MORN4: variants seen among roughly 807,000 people sequenced by gnomAD.
MORN4 encodes MORN repeat containing 4.
In MORN4, 8 loss-of-function variants were observed where a neutral mutation model predicts 16.4. That is an observed-to-expected ratio of 0.49 (90% CI 0.29 to 0.88). The LOEUF (loss-of-function observed/expected upper bound fraction) is 0.88, where lower values mean the gene tolerates loss of function less well. MORN4 is among the 40% of genes least tolerant of loss of function. MORN4 has a pLI of 0.09. For missense variants in MORN4, 159 were observed against 182.9 expected, an observed-to-expected ratio of 0.87 and a Z score of 0.75; for synonymous variants, 53 against 68.9, an observed-to-expected ratio of 0.77 and a Z score of 1.14.
Position 97,617,094 on chromosome 10 carries a change from G to A in MORN4, c.182+114C>T, listed in dbSNP as rs562040777. ...TAAAAGAACTACTTATTACTCATCT[G>A]TGTTCTGCAGGGAGTGAGACAAGGT... On this transcript the variant is annotated intron_variant, in intron 3 of 4. Transcript: ENST00000307450. The A allele has an allele frequency of 1.4e-4, 119 of 829,540 alleles. No homozygotes were observed. The African/African-American group carries it at 1.7e-3, about 12-fold the overall frequency. 51.4% of individuals were successfully genotyped at this position (829,540 alleles called of 1,614,324 possible).
rs1203762464 is a variant in MORN4 at position 97,633,064 on chromosome 10, G to T, written c.-31+283C>A. ...TCCTGCTATCCGGGCCCGCTCTCCC[G>T]CCCGGCAGGGTCTAACGCTCACACA... is the stretch of plus-strand genomic sequence containing the variant. On this transcript the variant is annotated intron_variant, in intron 1 of 4. Coordinates refer to ENST00000307450, the MANE Select transcript of MORN4 (RefSeq NM_178832.4). The surrounding 1 kb of genome is among the most constrained non-coding windows in gnomAD (Gnocchi z 4.5). Among the ~76,000 whole-genome samples the T allele has an allele frequency of 2.0e-5, 3 of 152,028 alleles. No individual in the cohort carries two copies. Among genetic ancestry groups the T allele is most frequent in the Non-Finnish European group, 2.9e-5 (2 of 68,002 alleles).
At chr10:97,633,699 G>A (rs2041418244), upstream of MORN4, 2 of 1,193,938 alleles carry the variant, frequency 1.7e-6, no homozygotes, top group Non-Finnish European at 2.1e-6. The surrounding 1 kb of genome is among the most constrained non-coding windows in gnomAD (Gnocchi z 4.5). Context: ...CTACCCAGAG[G>A]CCGTCTAGTT....
intron 1 of MORN4, among the ~76,000 whole-genome samples, chr10:97,629,039 C>T (rs780943537): frequency 4.9e-4 from 74 of 152,144 alleles, no homozygotes; most frequent in Non-Finnish European, 1.2e-4. Flanking sequence ...ATCTACCTCC[C>T]CTCCCTTGAA....
intron 1 of MORN4, among the ~76,000 whole-genome samples, chr10:97,626,457 C>CT (rs531941467): frequency 3.5e-4 from 50 of 142,388 alleles, no homozygotes; most frequent in East Asian, 6.2e-4. Flanking sequence ...TGTTCTCTCT[C>CT]TTTTTTTTTT....
At chr10:97,628,754 A>G (rs2041370618) in intron 1 of MORN4, among the ~76,000 whole-genome samples, 1 of 151,996 alleles carries the variant, frequency 6.6e-6, no homozygotes, top group Non-Finnish European at 1.5e-5. Context: ...CTGGTCTCAA[A>G]CTTCTGGCCT....
intron 1 of MORN4, among the ~76,000 whole-genome samples, chr10:97,623,971 C>T (rs1042003787): frequency 2.5e-4 from 38 of 152,062 alleles, no homozygotes; most frequent in Admixed American, 6.6e-4. Context: ...CTCCTGACCT[C>T]GTGATCCGCC....
At chr10:97,621,909 C>A (rs2041300275) in intron 1 of MORN4, among the ~76,000 whole-genome samples, 1 of 152,078 alleles carries the variant, frequency 6.6e-6, no homozygotes, top group Non-Finnish European at 1.5e-5. Flanking sequence ...ACCTGCTGGA[C>A]CTGGGTTGGC....
Position 97,633,271 on chromosome 10 carries a change from C to T in MORN4, c.-31+76G>A, listed in dbSNP as rs77989655. On this transcript the variant is annotated intron_variant, in intron 1 of 4. Transcript: ENST00000307450. This position sits in a 1 kb window ranked among gnomAD's most constrained non-coding sequence, Gnocchi z 4.5. ...GCCGCGCCCCCGAGCCGGGTCATCT[C>T]GTGCTCCGTTCCTCAGTGCCCACCT... 3 of 1,259,740 alleles carry T rather than the reference C, an allele frequency of 2.4e-6. No individual in the cohort carries two copies. Among genetic ancestry groups the T allele is most frequent in the Non-Finnish European group, 3.1e-6 (3 of 971,918 alleles). 78.0% of individuals were successfully genotyped at this position (1,259,740 alleles called of 1,614,324 possible).
rs776639939 is a variant in MORN4, at chr10:97,616,723, T to C, written c.247A>G (p.Met83Val). The C allele has an allele frequency of 5.6e-6, 9 of 1,614,098 alleles. No homozygotes were observed. Among genetic ancestry groups the C allele is most frequent in the Non-Finnish European group, 7.6e-6 (9 of 1,179,994 alleles). ...GVGVFIRYDN[M>V]TFEGEFKNGR... Reference sequence around the variant, plus strand: ...TTTTTAAATTCCCCCTCAAAGGTCATGTTGTCATATCGAATGAAGACTCCG... The same window carrying C: ...TTTTTAAATTCCCCCTCAAAGGTCACGTTGTCATATCGAATGAAGACTCCG... The change falls in exon 4 of 5, where the codon ATG becomes GTG. Residue 83 changes from methionine (M) to valine (V), a missense_variant. Coordinates refer to ENST00000307450, the MANE Select transcript of MORN4 (RefSeq NM_178832.4).
rs574782078 is a variant in MORN4, at chr10:97,615,266, C to T, written c.*997G>A. 4 of 152,582 alleles carry T rather than the reference C, an allele frequency of 2.6e-5. No individual in the cohort carries two copies. The highest frequency in any genetic ancestry group is 9.6e-5 in the African/African-American group (4 of 41,528). 9.5% of individuals were successfully genotyped at this position (152,582 alleles called of 1,614,324 possible). A position where few individuals can be genotyped will look rare whatever the true frequency, so the allele number is the denominator to read the frequency against. On this transcript the variant is annotated 3_prime_UTR_variant, in exon 5 of 5. Coordinates refer to ENST00000307450, the MANE Select transcript of MORN4 (RefSeq NM_178832.4). ...GGAAGCCTGCAGCCATGATTCCAAC[C>T]AGCATGAGGAGTAACATATGGAAAA...
At chr10:97,631,926 C>A (rs192089104) in intron 1 of MORN4, among the ~76,000 whole-genome samples, 1 of 150,852 alleles carries the variant, frequency 6.6e-6, no homozygotes, top group Admixed American at 6.6e-5. Flanking sequence ...GGCAACAGAG[C>A]CAGACCTTGT....
intron 1 of MORN4, among the ~76,000 whole-genome samples, chr10:97,632,703 A>ATTT (rs552637866): frequency 0.14 from 19,860 of 143,258 alleles, 1,644 homozygotes; most frequent in South Asian, 0.25. Flanking sequence ...CGCCAAAAAG[A>ATTT]TTTTTTTTTT....
At chr10:97,629,487 TA>T (rs1033152656) in intron 1 of MORN4, among the ~76,000 whole-genome samples, 12 of 152,168 alleles carry the variant, frequency 7.9e-5, no homozygotes, top group Non-Finnish European at 1.5e-4. Context: ...AGCCACCACA[TA>T]AAAAGCCTGA....
upstream of MORN4, chr10:97,633,504 T>C: frequency 1.6e-6 from 2 of 1,289,818 alleles, no homozygotes; most frequent in Non-Finnish European, 2.0e-6. This position sits in a 1 kb window ranked among gnomAD's most constrained non-coding sequence, Gnocchi z 4.5. Context: ...CCGCACTGGG[T>C]ACAATTCCCG....
chr10:97,623,328 C>T (rs2041320245), intron 1 of MORN4, among the ~76,000 whole-genome samples: 1 of 152,152 alleles, frequency 6.6e-6, no homozygotes, highest in Admixed American at 6.5e-5. Context: ...GCCTGTAATT[C>T]CAGCACTTTG....
intron 1 of MORN4, among the ~76,000 whole-genome samples, chr10:97,620,559 C>CT (rs1332143759): frequency 6.7e-6 from 1 of 150,044 alleles, no homozygotes; most frequent in East Asian, 2.0e-4. Context: ...AAGGAACACT[C>CT]TAAGGGCAAT....
rs548742897 is a variant in MORN4, at chr10:97,619,576, G to T, written c.67+11C>A. On this transcript the variant is annotated intron_variant, in intron 2 of 4. Transcript: ENST00000307450. ...TGTTCATCATGGATACTCCCCAGGG[G>T]TCCTTCTCACCCTCCTTCCACTCGC... The T allele has an allele frequency of 5.6e-6, 9 of 1,598,346 alleles. No individual in the cohort carries two copies. The highest frequency in any genetic ancestry group is 7.7e-6 in the Non-Finnish European group (9 of 1,165,622).
At chr10:97,624,576 A>C (rs1192766432) in intron 1 of MORN4, among the ~76,000 whole-genome samples, 1 of 152,106 alleles carries the variant, frequency 6.6e-6, no homozygotes, top group Non-Finnish European at 1.5e-5. Context: ...GTGCCAACAC[A>C]CCCAGCTACT....
At chr10:97,632,108 C>A (rs1489515498) in intron 1 of MORN4, among the ~76,000 whole-genome samples, 2 of 151,308 alleles carry the variant, frequency 1.3e-5, no homozygotes, top group Non-Finnish European at 2.9e-5. Flanking sequence ...ATAAAGAAAG[C>A]AGTTCATAAG....
Sources: gnomAD v4.1 joint callset for allele counts (sites outside exome capture counted in the v4.1 genomes callset) on GRCh38, gnomAD v4.1.1 for gene constraint, Gnocchi (gnomAD v3.1) non-coding constraint, MANE v1.5 for transcripts, NCBI Gene and HGNC (gene_info 2026-07-23, HGNC 2026-07-21) for gene names.